The following SOS1 variants were observed in gnomAD, a reference collection of about 807,000 sequenced individuals.
SOS1 encodes the protein son of sevenless homolog 1.
Under a neutral mutation model 157.6 loss-of-function variants are expected in SOS1, and 25 were observed. That is an observed-to-expected ratio of 0.16 (90% CI 0.12 to 0.22). The LOEUF is 0.22. Among genes scored for constraint, SOS1 ranks in the 10% least tolerant of loss-of-function variants. The pLI, the probability that SOS1 is intolerant of heterozygous loss-of-function variation, is 1.00. For synonymous variants in SOS1, 528 were observed against 534.0 expected, an observed-to-expected ratio of 0.99 and a Z score of 0.16; for missense variants, 1,237 against 1,599.1, an observed-to-expected ratio of 0.77 and a Z score of 3.86.
intron 1 of SOS1, among the ~76,000 whole-genome samples, chr2:39,080,295 C>A (rs1282758327): frequency 2.0e-5 from 3 of 151,934 alleles, no homozygotes; most frequent in Non-Finnish European, 4.4e-5. Flanking sequence ...GAATCTGATG[C>A]CTCCACTGAT....
At chr2:39,103,624 CA>C (rs964129607) in intron 1 of SOS1, among the ~76,000 whole-genome samples, 5 of 152,084 alleles carry the variant, frequency 3.3e-5, no homozygotes, top group African/African-American at 1.2e-4. Context: ...TAACTCATAC[CA>C]AACACAAAAA....
chr2:39,013,546 C>T lies in SOS1; in HGVS notation c.2081G>A (p.Arg694Gln). 6.2e-7 allele frequency: 1 copy of T among 1,606,600 alleles called. No individual in the cohort carries two copies. The highest frequency in any genetic ancestry group is 8.5e-7 in the Non-Finnish European group (1 of 1,173,514). ...ATAGAAGTGGTGCTCTACCCAGTGCCGACATACATTTAATACTCTATGGCA... is the reference window on the plus strand; with the variant it reads ...ATAGAAGTGGTGCTCTACCCAGTGCTGACATACATTTAATACTCTATGGCA... ...PVQLRVLNVC[R>Q]HWVEHHFYDF... Residue 694 changes from arginine to glutamine, a missense_variant, in exon 13 of 23, where the codon CGG becomes CAG. Transcript: ENST00000402219.
chr2:39,057,976 GATA>G (rs1671269208), intron 3 of SOS1, among the ~76,000 whole-genome samples: 3 of 151,944 alleles, frequency 2.0e-5, no homozygotes, highest in Non-Finnish European at 2.9e-5. Flanking sequence ...ACAAACTGTG[GATA>G]ATAATAACTT....
At chr2:39,124,506 G>T (rs1452215733), upstream of SOS1, among the ~76,000 whole-genome samples, 1 of 152,372 alleles carries the variant, frequency 6.6e-6, no homozygotes, top group East Asian at 1.9e-4. Context: ...GACGGGGGCG[G>T]GGGTGGGCGT....
chr2:39,041,201 G>T (rs1381808833), intron 6 of SOS1, among the ~76,000 whole-genome samples: 2 of 152,102 alleles, frequency 1.3e-5, no homozygotes, highest in Admixed American at 1.3e-4. Flanking sequence ...GAGACCACAG[G>T]TGCACACCAC....
chr2:39,043,583 G>C (rs1429802068), intron 6 of SOS1, among the ~76,000 whole-genome samples: 3 of 152,170 alleles, frequency 2.0e-5, no homozygotes, highest in Non-Finnish European at 4.4e-5. Flanking sequence ...AATTCATAAA[G>C]AAATTTATTT....
At chr2:39,000,707 G>A (rs1035139252) in intron 17 of SOS1, among the ~76,000 whole-genome samples, 1 of 152,206 alleles carries the variant, frequency 6.6e-6, no homozygotes, top group African/African-American at 2.4e-5. Flanking sequence ...ACACAGTGCT[G>A]TGACTTATTT....
At chr2:39,099,270 T>C (rs1481527849) in intron 1 of SOS1, among the ~76,000 whole-genome samples, 2 of 152,196 alleles carry the variant, frequency 1.3e-5, no homozygotes, top group Non-Finnish European at 2.9e-5. Flanking sequence ...TATTTAGTCG[T>C]AGAAATGAAG....
chr2:39,110,317 G>C (rs1049956753), intron 1 of SOS1, among the ~76,000 whole-genome samples: 4 of 152,068 alleles, frequency 2.6e-5, no homozygotes, highest in African/African-American at 9.7e-5. Context: ...AAAAAAATCT[G>C]TACAAATTTA....
chr2:39,059,531 T>C (rs1010804778), intron 2 of SOS1, among the ~76,000 whole-genome samples: 7 of 152,202 alleles, frequency 4.6e-5, no homozygotes, highest in South Asian at 2.1e-4. Context: ...ACTTGCAGGA[T>C]ACCATAACTA....
intron 1 of SOS1, among the ~76,000 whole-genome samples, chr2:39,115,119 T>G (rs2148232286): frequency 6.6e-6 from 1 of 152,336 alleles, no homozygotes; most frequent in East Asian, 1.9e-4. Flanking sequence ...TTAAAATACC[T>G]TCATTGAGGT....
intron 16 of SOS1, 75 bp downstream of exon 16, chr2:39,006,956 G>T: frequency 1.0e-6 from 1 of 960,092 alleles, no homozygotes; most frequent in Non-Finnish European, 1.7e-6. Flanking sequence ...AAAAATTAAA[G>T]ATAATAATTG....
intron 1 of SOS1, among the ~76,000 whole-genome samples, chr2:39,113,373 T>C (rs974452292): frequency 1.7e-4 from 26 of 150,578 alleles, no homozygotes; most frequent in Admixed American, 3.3e-4. Context: ...TTTTTTTTTT[T>C]CCCTTGTAGA....
At chr2:39,047,026 T>C (rs572960855) in intron 6 of SOS1, among the ~76,000 whole-genome samples, 1 of 152,342 alleles carries the variant, frequency 6.6e-6, no homozygotes, top group African/African-American at 2.4e-5. Context: ...ATTTGATGAC[T>C]TTTAACATAT....
intron 5 of SOS1, among the ~76,000 whole-genome samples, chr2:39,052,909 T>G (rs1325173228): frequency 6.6e-6 from 1 of 152,170 alleles, no homozygotes; most frequent in Non-Finnish European, 1.5e-5. Flanking sequence ...TTCCAGCATT[T>G]TGGGAGGCCA....
At position 39,056,881 on chromosome 2, in the gene SOS1, G is replaced by C. The variant is rs1257288906; in HGVS notation, c.346-15C>G. The C allele has an allele frequency of 6.3e-7, 1 of 1,582,970 alleles. No individual in the cohort carries two copies. The highest frequency in any genetic ancestry group is 8.7e-7 in the Non-Finnish European group (1 of 1,152,692). ...CCTAGGACCTCCTGCAAAATTAAAAGAAAAGCATGTTTAAACATCATATAC... is the reference window on the plus strand; with the variant it reads ...CCTAGGACCTCCTGCAAAATTAAAACAAAAGCATGTTTAAACATCATATAC... On this transcript the variant is annotated splice_polypyrimidine_tract_variant and intron_variant, in intron 3 of 22. Coordinates refer to ENST00000402219, the MANE Select transcript of SOS1 (RefSeq NM_005633.4).
intron 2 of SOS1, among the ~76,000 whole-genome samples, chr2:39,059,246 T>C (rs1671319875): frequency 6.6e-6 from 1 of 152,190 alleles, no homozygotes; most frequent in Non-Finnish European, 1.5e-5. Flanking sequence ...TTATCCACCA[T>C]GCAAAGGCAC....
upstream of SOS1, among the ~76,000 whole-genome samples, chr2:39,123,877 G>A (rs1673982511): frequency 6.6e-6 from 1 of 152,182 alleles, no homozygotes; most frequent in Non-Finnish European, 1.5e-5. Flanking sequence ...GGGCTAAGAG[G>A]TTGGGCATGT....
At chr2:39,008,794 G>A (rs534147975) in intron 15 of SOS1, among the ~76,000 whole-genome samples, 1 of 152,254 alleles carries the variant, frequency 6.6e-6, no homozygotes, top group Non-Finnish European at 1.5e-5. Flanking sequence ...GAGTGGATGA[G>A]TCTTTCCAGT....
Sources: gnomAD v4.1 joint callset for allele counts (sites outside exome capture counted in the v4.1 genomes callset) on GRCh38, gnomAD v4.1.1 for gene constraint, MANE v1.5 for transcripts, NCBI Gene and HGNC (gene_info 2026-07-23, HGNC 2026-07-21) for gene names.